SIPA1L1: variants seen among roughly 807,000 people sequenced by gnomAD.
SIPA1L1 encodes the protein signal induced proliferation associated 1 like 1, also known as signal-induced proliferation-associated 1-like protein 1.
A neutral mutation model predicts 162.7 loss-of-function variants in SIPA1L1; 26 were observed. The observed-to-expected ratio is 0.16, with a 90% confidence interval of 0.12 to 0.22. The LOEUF (loss-of-function observed/expected upper bound fraction) is 0.22. Among genes scored for constraint, SIPA1L1 ranks in the 10% least tolerant of loss-of-function variants. The pLI is 1.00. For synonymous variants in SIPA1L1, 829 were observed against 837.4 expected (o/e 0.99, Z 0.17); for missense variants, 1,874 against 2,241.0 (o/e 0.84, Z 3.31).
chr14:71,428,895 G>A (rs1414558844), intron 2 of SIPA1L1, among the ~76,000 whole-genome samples: 1 of 152,200 alleles, frequency 6.6e-6, no homozygotes, highest in African/African-American at 2.4e-5. Context: ...TACGGTAAGA[G>A]CCAAAATTAA....
intron 2 of SIPA1L1, among the ~76,000 whole-genome samples, chr14:71,414,951 A>G (rs117829299): frequency 6.6e-6 from 1 of 152,380 alleles, no homozygotes; most frequent in East Asian, 1.9e-4. Flanking sequence ...GACGTATTTT[A>G]TACAGGCCAA....
intron 2 of SIPA1L1, among the ~76,000 whole-genome samples, chr14:71,437,171 G>C (rs561335212): frequency 1.3e-5 from 2 of 152,124 alleles, no homozygotes; most frequent in Admixed American, 6.5e-5. Context: ...AATTTGTTTT[G>C]TGTAGCTCAA....
intron 14 of SIPA1L1, among the ~76,000 whole-genome samples, chr14:71,700,038 T>C (rs2081965764): frequency 6.6e-6 from 1 of 152,246 alleles, no homozygotes; most frequent in African/African-American, 2.4e-5. Flanking sequence ...CAGGACTGGG[T>C]ATCCCTTATA....
chr14:71,485,261 A>C (rs537850007), intron 2 of SIPA1L1, among the ~76,000 whole-genome samples: 2 of 152,322 alleles, frequency 1.3e-5, no homozygotes, highest in East Asian at 3.9e-4. Flanking sequence ...TGGCAACCAG[A>C]TATTCATTTA....
At chr14:71,323,135 A>G (rs149670071) in intron 2 of SIPA1L1, among the ~76,000 whole-genome samples, 1 of 152,318 alleles carries the variant, frequency 6.6e-6, no homozygotes, top group Non-Finnish European at 1.5e-5. Flanking sequence ...ATTTTGGTAT[A>G]GTGCCCCCAT....
At chr14:71,367,448 A>C (rs2038423841) in intron 2 of SIPA1L1, among the ~76,000 whole-genome samples, 1 of 151,554 alleles carries the variant, frequency 6.6e-6, no homozygotes, top group South Asian at 2.1e-4. Context: ...CTGGGACTAC[A>C]GGCGCCCGCC....
intron 2 of SIPA1L1, among the ~76,000 whole-genome samples, chr14:71,335,658 G>A (rs992744759): frequency 6.6e-6 from 1 of 152,160 alleles, no homozygotes; most frequent in Admixed American, 6.5e-5. Flanking sequence ...TATCATGGGG[G>A]CAGAAGTTAT....
chr14:71,449,724 G>A (rs1004619198), intron 2 of SIPA1L1, among the ~76,000 whole-genome samples: 2 of 152,178 alleles, frequency 1.3e-5, no homozygotes, highest in African/African-American at 4.8e-5. Context: ...GGTGAGGTGG[G>A]GGGACTGTCT....
intron 7 of SIPA1L1, among the ~76,000 whole-genome samples, chr14:71,634,410 A>G (rs931146769): frequency 6.6e-6 from 1 of 151,726 alleles, no homozygotes; most frequent in African/African-American, 2.4e-5. Context: ...TTCAAAAAAA[A>G]AAAAAAAACC....
Position 71,702,393 on chromosome 14 carries a change from C to A in SIPA1L1, c.3534C>A (p.Ser1178Arg). ...QKSMPEGFGV[S>R]RRSPASIDRQ... is the part of the protein sequence containing the mutation. The stretch of plus-strand genomic sequence containing the variant: ...GAAATCACCACAGGTTTGGAGTGAG[C>A]CGTAGATCCCCAGCCTCCATTGACA... Residue 1178 changes from serine (S) to arginine (R), a missense_variant, in exon 15 of 24, where the codon AGC becomes AGA. By Grantham distance (110) the Ser-to-Arg change is moderately radical. This residue lies in a region of SIPA1L1 where 936 missense variants were observed against 1,051.9 expected (regional missense o/e 0.89). Coordinates refer to ENST00000381232, the MANE Select transcript of SIPA1L1 (RefSeq NM_001386936.1). 1 of 1,614,040 alleles carries A rather than the reference C, an allele frequency of 6.2e-7. No homozygotes were observed. Among genetic ancestry groups the A allele is most frequent in the Non-Finnish European group, 8.5e-7 (1 of 1,179,932 alleles).
Position 71,387,408 on chromosome 14 carries a change from C to G in SIPA1L1, c.-465+66227C>G, listed in dbSNP as rs567302910. 1.1e-4 allele frequency among the ~76,000 whole-genome samples: 16 copies of G among 152,102 alleles called. No homozygotes were observed. The South Asian group carries it at 3.3e-3, about 32-fold the overall frequency. ...GGAGGATCCCTTGAGCACAGGAGTT[C>G]AAGGCTGCAGTGAGCTATGATCATG... On this transcript the variant is annotated intron_variant, in intron 2 of 23. Transcript: ENST00000381232.
intron 2 of SIPA1L1, among the ~76,000 whole-genome samples, chr14:71,387,715 C>G (rs752276661): frequency 6.6e-6 from 1 of 152,162 alleles, no homozygotes; most frequent in Non-Finnish European, 1.5e-5. Flanking sequence ...GAATGTGTTA[C>G]GATTTCTGTT....
At chr14:71,422,204 A>T (rs947875765) in intron 2 of SIPA1L1, among the ~76,000 whole-genome samples, 3 of 152,226 alleles carry the variant, frequency 2.0e-5, no homozygotes, top group Admixed American at 6.5e-5. Flanking sequence ...AGACAGAGTC[A>T]GCTTCATTTA....
intron 5 of SIPA1L1, among the ~76,000 whole-genome samples, chr14:71,614,672 T>G (rs1247604949): frequency 6.6e-6 from 1 of 152,194 alleles, no homozygotes; most frequent in Admixed American, 6.5e-5. Context: ...TGTTTAAAGC[T>G]AGAGTATGAA....
intron 2 of SIPA1L1, among the ~76,000 whole-genome samples, chr14:71,414,988 G>C (rs189671086): frequency 5.1e-4 from 77 of 152,280 alleles, no homozygotes; most frequent in Admixed American, 3.5e-3. Context: ...TAAATTCTGG[G>C]GTTGTATAGG....
At chr14:71,355,067 G>A (rs1474451348) in intron 2 of SIPA1L1, among the ~76,000 whole-genome samples, 3 of 152,150 alleles carry the variant, frequency 2.0e-5, no homozygotes, top group Non-Finnish European at 4.4e-5. Flanking sequence ...GTCATTAAGG[G>A]CCTTCAGAAA....
At chr14:71,582,643 G>A (rs543632850) in intron 4 of SIPA1L1, among the ~76,000 whole-genome samples, 1 of 152,166 alleles carries the variant, frequency 6.6e-6, no homozygotes, top group Admixed American at 6.5e-5. Flanking sequence ...TACATGTTTT[G>A]TATCTATAAC....
intron 2 of SIPA1L1, among the ~76,000 whole-genome samples, chr14:71,511,170 T>C (rs1477917030): frequency 6.6e-6 from 1 of 152,226 alleles, no homozygotes. Context: ...TTTCCCATGT[T>C]GCCTAGTGTG....
intron 2 of SIPA1L1, among the ~76,000 whole-genome samples, chr14:71,498,057 T>A (rs1008989014): frequency 6.6e-6 from 1 of 152,252 alleles, no homozygotes; most frequent in East Asian, 1.9e-4. Flanking sequence ...GATCTTCTTA[T>A]GACTTTAATT....
Sources: allele counts gnomAD v4.1 joint callset (sites outside exome capture counted in the v4.1 genomes callset), GRCh38; gene constraint gnomAD v4.1.1; regional missense constraint gnomAD v4.1.1; transcripts MANE v1.5; gene names NCBI Gene and HGNC (gene_info 2026-07-23, HGNC 2026-07-21).